FGL1: variants seen among roughly 807,000 people sequenced by gnomAD.
FGL1 encodes the protein fibrinogen-like protein 1.
Under a neutral mutation model 43.7 loss-of-function variants are expected in FGL1, and 59 were observed. The ratio of observed to expected loss-of-function variants is 1.35; its 90% CI spans 1.10 to 1.68. FGL1 has a LOEUF of 1.68. FGL1 is among the 40% of genes most tolerant of loss of function. The probability of loss-of-function intolerance (pLI) is 0.00; values close to 1 mark genes in which losing one functional copy is unlikely to be tolerated. For missense variants in FGL1, 596 were observed against 373.0 expected (o/e 1.60, Z -4.92); for synonymous variants, 192 against 126.5 (o/e 1.52, Z -3.48).
In FGL1 at chr8:17,875,481, C is replaced by CTCTTTCTTTCTTTCTTTCTT. The variant is rs1172572579; in HGVS notation, c.245-980_245-961dup. Among the ~76,000 whole-genome samples the CTCTTTCTTTCTTTCTTTCTT allele has an allele frequency of 5.2e-3, 674 of 129,674 alleles. 13 individuals are homozygous for CTCTTTCTTTCTTTCTTTCTT. Among genetic ancestry groups the CTCTTTCTTTCTTTCTTTCTT allele is most frequent in the African/African-American group, 5.6e-3 (174 of 30,834 alleles). 85.1% of individuals were successfully genotyped at this position (129,674 alleles called of 152,430 possible). ...CCCCTTTGTCACCAAAAAGTGATAT[C>CTCTTTCTTTCTTTCTTTCTT]TCTTTCTTTCTTTCTTTCTTTCTTT... On this transcript the variant is annotated intron_variant, in intron 3 of 7. Coordinates refer to ENST00000427924, the MANE Select transcript of FGL1 (RefSeq NM_004467.4).
At chr8:17,864,889 T>C (rs1284224883) in intron 7 of FGL1, 138 bp from the exon 8 acceptor site, 6 of 655,544 alleles carry the variant, frequency 9.2e-6, no homozygotes, top group African/African-American at 1.9e-5. Context: ...AAATATTTAC[T>C]AGTTTCCAAA....
At chr8:17,884,141 G>T (rs2053594033) in intron 2 of FGL1, among the ~76,000 whole-genome samples, 1 of 144,472 alleles carries the variant, frequency 6.9e-6, no homozygotes, top group African/African-American at 2.6e-5. Flanking sequence ...CCATCCCTAG[G>T]TCCAAGTCAC....
chr8:17,886,761 A>G (rs2053634273), intron 1 of FGL1, among the ~76,000 whole-genome samples: 1 of 139,102 alleles, frequency 7.2e-6, no homozygotes, highest in Non-Finnish European at 1.6e-5. Flanking sequence ...CTGTCTAGAA[A>G]GAAACGAAAT....
At position 17,864,549 on chromosome 8, in the gene FGL1, T is replaced by C. The variant is rs1473617502; in HGVS notation, c.*43A>G. ...AGAATGAGTATTTTTCAAATCACTT[T>C]AAACAAAGCTGAATTGCAGAAACGA... On this transcript the variant is annotated 3_prime_UTR_variant, in exon 8 of 8. Coordinates refer to ENST00000427924, the MANE Select transcript of FGL1 (RefSeq NM_004467.4). The C allele has an allele frequency of 1.3e-6, 2 of 1,573,582 alleles. No individual in the cohort carries two copies. Among genetic ancestry groups the C allele is most frequent in the African/African-American group, 1.4e-5 (1 of 73,652 alleles).
chr8:17,888,915 A>G (rs2053665659), intron 1 of FGL1, among the ~76,000 whole-genome samples: 1 of 152,214 alleles, frequency 6.6e-6, no homozygotes, highest in Admixed American at 6.5e-5. Flanking sequence ...AATCCCTGTC[A>G]CTAGAAAATG....
intron 5 of FGL1, among the ~76,000 whole-genome samples, chr8:17,872,038 T>C (rs1465819015): frequency 6.6e-6 from 1 of 152,166 alleles, no homozygotes; most frequent in African/African-American, 2.4e-5. Flanking sequence ...GCAAATTTTA[T>C]ATATCTGGCA....
intron 7 of FGL1, among the ~76,000 whole-genome samples, chr8:17,866,097 G>A (rs2053265783): frequency 1.3e-5 from 2 of 152,148 alleles, no homozygotes; most frequent in African/African-American, 4.8e-5. Flanking sequence ...AGAGACATCT[G>A]CTAACTATAT....
At chr8:17,874,613 T>C (rs2053417881) in intron 3 of FGL1, 92 bp from the exon 4 acceptor site, 1 of 887,070 alleles carries the variant, frequency 1.1e-6, no homozygotes, top group African/African-American at 1.7e-5. Context: ...TCAGTATCAC[T>C]GGAGACAGAT....
At chr8:17,878,147 T>G (rs2131718287) in intron 3 of FGL1, among the ~76,000 whole-genome samples, 1 of 152,112 alleles carries the variant, frequency 6.6e-6, no homozygotes, top group South Asian at 2.1e-4. Context: ...TGTTAGAGTC[T>G]CACTATGTTG....
At chr8:17,876,814 T>C (rs1313602638) in intron 3 of FGL1, among the ~76,000 whole-genome samples, 2 of 152,166 alleles carry the variant, frequency 1.3e-5, no homozygotes, top group African/African-American at 4.8e-5. Context: ...TTAGTGAATA[T>C]AGAGGTTTCA....
At chr8:17,874,240 T>A in intron 4 of FGL1, 122 bp downstream of exon 4, 2 of 1,376,000 alleles carry the variant, frequency 1.5e-6, no homozygotes, top group Non-Finnish European at 2.0e-6. Context: ...ATTTTCAGTA[T>A]TCTTCTTTAG....
intron 3 of FGL1, among the ~76,000 whole-genome samples, chr8:17,875,608 T>TCTTTCTTTC (rs2053444742): frequency 6.7e-6 from 1 of 148,170 alleles, no homozygotes; most frequent in African/African-American, 2.5e-5. Context: ...TTTCTTTCTT[T>TCTTTCTTTC]CTTTCTTTTC....
intron 1 of FGL1, among the ~76,000 whole-genome samples, chr8:17,890,985 C>T (rs1402207632): frequency 1.3e-5 from 2 of 152,180 alleles, no homozygotes; most frequent in South Asian, 2.1e-4. Flanking sequence ...ACAACATCAC[C>T]CACACACTTC....
chr8:17,871,923 T>A (rs1280830025), intron 5 of FGL1, among the ~76,000 whole-genome samples: 1 of 152,204 alleles, frequency 6.6e-6, no homozygotes, highest in African/African-American at 2.4e-5. Flanking sequence ...TACGTTTGAA[T>A]TTCATATATT....
chr8:17,877,562 T>A (rs1383380845), intron 3 of FGL1, among the ~76,000 whole-genome samples: 3 of 151,288 alleles, frequency 2.0e-5, no homozygotes, highest in Admixed American at 6.6e-5. Context: ...CATGTTGGGA[T>A]ATGCGAGAAC....
At chr8:17,879,864 C>A (rs2053508857) in intron 3 of FGL1, among the ~76,000 whole-genome samples, 1 of 152,146 alleles carries the variant, frequency 6.6e-6, no homozygotes, top group African/African-American at 2.4e-5. Context: ...TAGCTGCCCC[C>A]TGCCATGATT....
chr8:17,869,198 A>G (rs2053319395), intron 5 of FGL1, among the ~76,000 whole-genome samples, 194 bp from the exon 6 acceptor site: 2 of 152,226 alleles, frequency 1.3e-5, no homozygotes, highest in Admixed American at 1.3e-4. Flanking sequence ...TTTGAAAAAA[A>G]ATGATGGATA....
chr8:17,892,301 C>A lies in FGL1; in HGVS notation c.-18+3146G>T, dbSNP rs186100759. Among the ~76,000 whole-genome samples the A allele has an allele frequency of 2.0e-5, 3 of 151,768 alleles. No individual in the cohort carries two copies. The East Asian group carries it at 5.8e-4, about 29-fold the overall frequency. On this transcript the variant is annotated intron_variant, in intron 1 of 7. Coordinates refer to ENST00000427924, the MANE Select transcript of FGL1 (RefSeq NM_004467.4). ...TGTTACAGAAAATAAGAAACAAAAA[C>A]ATTTTATTATAAGGAAGCAAAAGAA...
At chr8:17,867,423 A>G (rs1011296273) in intron 7 of FGL1, among the ~76,000 whole-genome samples, 1 of 152,200 alleles carries the variant, frequency 6.6e-6, no homozygotes, top group South Asian at 2.1e-4. Flanking sequence ...AGGAAGGAAA[A>G]AAACCATCTA....
Sources: allele counts gnomAD v4.1 joint callset (sites outside exome capture counted in the v4.1 genomes callset), GRCh38; gene constraint gnomAD v4.1.1; transcripts MANE v1.5; gene names NCBI Gene and HGNC (gene_info 2026-07-23, HGNC 2026-07-21).